The following GRIK2 variants were observed in gnomAD, a reference collection of about 807,000 sequenced individuals.
The protein encoded by GRIK2 is glutamate receptor ionotropic, kainate 2.
A neutral mutation model predicts 100.3 loss-of-function variants in GRIK2; 32 were observed. That is an observed-to-expected ratio of 0.32 (90% CI 0.24 to 0.43). GRIK2 has a LOEUF of 0.43. GRIK2 is among the 20% of genes least tolerant of loss of function. The pLI, the probability that GRIK2 is intolerant of heterozygous loss-of-function variation, is 1.00. For synonymous variants in GRIK2, 417 were observed against 389.4 expected (o/e 1.07, Z -0.83); for missense variants, 843 against 1,114.9 (o/e 0.76, Z 3.47).
intron 4 of GRIK2, among the ~76,000 whole-genome samples, chr6:101,671,473 AT>A (rs745688945): frequency 2.0e-5 from 3 of 152,086 alleles, no homozygotes; most frequent in South Asian, 2.1e-4. Flanking sequence ...AGGCAGCTAG[AT>A]TTTCACATCT....
chr6:101,440,394 A>G (rs1417511617), intron 2 of GRIK2, among the ~76,000 whole-genome samples: 1 of 152,204 alleles, frequency 6.6e-6, no homozygotes, highest in African/African-American at 2.4e-5. Flanking sequence ...AGTTATTAAG[A>G]TAATCCTGCT....
intron 10 of GRIK2, among the ~76,000 whole-genome samples, chr6:101,820,462 TC>T (rs1781887858): frequency 6.6e-6 from 1 of 152,148 alleles, no homozygotes; most frequent in Non-Finnish European, 1.5e-5. Context: ...TCCTCCTTCT[TC>T]TTCGATGGAG....
At chr6:101,899,146 G>C (rs1787679054) in intron 12 of GRIK2, among the ~76,000 whole-genome samples, 1 of 148,162 alleles carries the variant, frequency 6.7e-6, no homozygotes, top group Admixed American at 6.8e-5. Context: ...GTCCTAAATA[G>C]TAATGGGAAT....
intron 10 of GRIK2, among the ~76,000 whole-genome samples, chr6:101,853,173 A>G (rs1784237817): frequency 6.6e-6 from 1 of 152,212 alleles, no homozygotes; most frequent in Non-Finnish European, 1.5e-5. Flanking sequence ...GGTATTGTGG[A>G]AGTTGAAAAA....
intron 14 of GRIK2, among the ~76,000 whole-genome samples, chr6:101,957,367 T>C (rs1201335470): frequency 6.6e-6 from 1 of 151,970 alleles, no homozygotes; most frequent in Non-Finnish European, 1.5e-5. Context: ...GTTGTTTGAG[T>C]TCTTTGTAAA....
chr6:101,484,656 A>G (rs1321910801), intron 2 of GRIK2, among the ~76,000 whole-genome samples: 2 of 152,028 alleles, frequency 1.3e-5, no homozygotes, highest in East Asian at 3.9e-4. Flanking sequence ...TGAAGCAACC[A>G]TCTCAAAGGC....
intron 7 of GRIK2, among the ~76,000 whole-genome samples, chr6:101,752,806 A>C (rs1200808507): frequency 1.3e-5 from 2 of 152,234 alleles, no homozygotes; most frequent in African/African-American, 2.4e-5. Flanking sequence ...AGTACACAGT[A>C]AATTCAAAGC....
At chr6:101,876,623 A>G (rs1434170880) in intron 11 of GRIK2, among the ~76,000 whole-genome samples, 1 of 151,860 alleles carries the variant, frequency 6.6e-6, no homozygotes, top group Admixed American at 6.6e-5. Flanking sequence ...GAGCTTATCA[A>G]TGCACAGTGA....
intron 7 of GRIK2, among the ~76,000 whole-genome samples, chr6:101,704,619 G>A (rs1038633900): frequency 3.3e-5 from 5 of 150,910 alleles, no homozygotes; most frequent in African/African-American, 4.9e-5. Flanking sequence ...ATTGAATCTC[G>A]CCATTATTTT....
intron 2 of GRIK2, among the ~76,000 whole-genome samples, chr6:101,439,639 G>T (rs1769934268): frequency 6.6e-6 from 1 of 151,980 alleles, no homozygotes; most frequent in Non-Finnish European, 1.5e-5. Context: ...TTTCCTTAAT[G>T]AAAGCCATCA....
chr6:102,060,751 T>C (rs1771706762), intron 16 of GRIK2, among the ~76,000 whole-genome samples: 3 of 150,728 alleles, frequency 2.0e-5, no homozygotes, highest in Admixed American at 2.0e-4. Context: ...CTGAACTTAA[T>C]TTTACAGAAG....
At chr6:101,436,083 A>G (rs1769697345) in intron 2 of GRIK2, among the ~76,000 whole-genome samples, 1 of 152,146 alleles carries the variant, frequency 6.6e-6, no homozygotes, top group African/African-American at 2.4e-5. Context: ...AATCTTGCCT[A>G]TAGCATTTGA....
intron 2 of GRIK2, among the ~76,000 whole-genome samples, chr6:101,523,952 C>A (rs1775017638): frequency 1.3e-5 from 2 of 152,084 alleles, no homozygotes; most frequent in Admixed American, 6.5e-5. Context: ...GAACCCCTGA[C>A]CTCAAGCGAT....
At chr6:101,435,053 A>ATTATT (rs900172728) in intron 2 of GRIK2, among the ~76,000 whole-genome samples, 4 of 152,120 alleles carry the variant, frequency 2.6e-5, no homozygotes, top group Admixed American at 2.0e-4. Context: ...TCTTAGAGTT[A>ATTATT]TTATTTTTTT....
intron 1 of GRIK2, among the ~76,000 whole-genome samples, chr6:101,396,485 A>G (rs769919565): frequency 2.6e-5 from 4 of 152,186 alleles, no homozygotes; most frequent in Non-Finnish European, 5.9e-5. Context: ...GGAATCTCAC[A>G]ATTAATATAA....
At chr6:102,060,004 A>AATAT (rs770333337) in intron 16 of GRIK2, among the ~76,000 whole-genome samples, 1 of 149,392 alleles carries the variant, frequency 6.7e-6, no homozygotes, top group Non-Finnish European at 1.5e-5. Context: ...TAAGAAATAA[A>AATAT]ATATATATAT....
intron 14 of GRIK2, among the ~76,000 whole-genome samples, chr6:101,971,376 G>A (rs1793041340): frequency 6.6e-6 from 1 of 151,906 alleles, no homozygotes; most frequent in Admixed American, 6.6e-5. Flanking sequence ...TCTAACATCT[G>A]TAAACCAAGG....
At chr6:101,558,571 G>A (rs536667810) in intron 2 of GRIK2, among the ~76,000 whole-genome samples, 8 of 152,192 alleles carry the variant, frequency 5.3e-5, no homozygotes, top group East Asian at 1.9e-4. Flanking sequence ...TGGGAATGTG[G>A]TAGGGGTGGG....
intron 2 of GRIK2, among the ~76,000 whole-genome samples, chr6:101,561,860 G>A (rs1777035507): frequency 6.6e-6 from 1 of 152,134 alleles, no homozygotes; most frequent in Admixed American, 6.6e-5. Context: ...TTTCCAGCAT[G>A]CCTGGGGCAC....
Sources: gnomAD v4.1 joint callset for allele counts (sites outside exome capture counted in the v4.1 genomes callset) on GRCh38, gnomAD v4.1.1 for gene constraint, MANE v1.5 for transcripts, NCBI Gene and HGNC (gene_info 2026-07-23, HGNC 2026-07-21) for gene names.